UTY: variants seen among roughly 807,000 people sequenced by gnomAD.
UTY encodes the protein histone demethylase UTY.
UTY carries 12 observed loss-of-function variants against 32.5 expected under a neutral mutation model. The ratio of observed to expected loss-of-function variants is 0.37; its 90% confidence interval spans 0.24 to 0.60. The LOEUF is 0.60. Ranked by LOEUF, UTY falls within the 20% of genes least tolerant of loss-of-function variation. The pLI is 0.69. For synonymous variants in UTY, 131 were observed against 103.4 expected (o/e 1.27, Z -1.62); for missense variants, 303 against 299.2 (o/e 1.01, Z -0.09).
intron 27 of UTY, among the ~76,000 whole-genome samples, chrY:13,292,499 T>C: frequency 3.7e-5 from 1 of 26,897 alleles, no homozygotes; most frequent in Non-Finnish European, 8.9e-5. Context: ...GAAAAAGATA[T>C]TCAGAAATAT....
intron 27 of UTY, among the ~76,000 whole-genome samples, chrY:13,271,964 T>C (rs766716110): frequency 6.8e-4 from 23 of 33,805 alleles, no homozygotes; most frequent in African/African-American, 2.6e-3. Context: ...AATCAAGGAA[T>C]GTAGACAGTC....
At chrY:13,282,675 C>T in intron 27 of UTY, among the ~76,000 whole-genome samples, 1 of 33,709 alleles carries the variant, frequency 3.0e-5, no homozygotes, top group Non-Finnish European at 7.4e-5. Context: ...TGGGGGAGCT[C>T]AGATTTTAAG....
chrY:13,235,874 T>A (rs1603217740), intron 28 of UTY, among the ~76,000 whole-genome samples: 1 of 33,301 alleles, frequency 3.0e-5, no homozygotes, highest in East Asian at 7.8e-4. Context: ...CAAGGAAGCC[T>A]ACTGCCTCAA....
At chrY:13,349,919 A>T in intron 17 of UTY, among the ~76,000 whole-genome samples, 1 of 33,705 alleles carries the variant, frequency 3.0e-5, no homozygotes, top group Non-Finnish European at 7.4e-5. Context: ...TTTGAAACTG[A>T]ATCACCAAGG....
intron 21 of UTY, among the ~76,000 whole-genome samples, chrY:13,318,126 C>G: frequency 3.3e-5 from 1 of 30,085 alleles, no homozygotes; most frequent in Non-Finnish European, 7.8e-5. Context: ...TGCCATTGCA[C>G]TCCAGCCTGG....
At chrY:13,456,654 C>A (rs781766830) in intron 3 of UTY, among the ~76,000 whole-genome samples, 3 of 32,371 alleles carry the variant, frequency 9.3e-5, no homozygotes, top group South Asian at 6.8e-4. Flanking sequence ...CAATTATATA[C>A]CAACAAAAAA....
chrY:13,341,595 C>T (rs920596855), intron 17 of UTY, among the ~76,000 whole-genome samples: 8 of 32,935 alleles, frequency 2.4e-4, no homozygotes, highest in African/African-American at 9.6e-4. Context: ...AAGTCAGACA[C>T]GGATTTAATT....
intron 18 of UTY, among the ~76,000 whole-genome samples, chrY:13,330,620 T>A (rs2060615367): frequency 3.1e-5 from 1 of 32,029 alleles, no homozygotes; most frequent in African/African-American, 1.2e-4. Flanking sequence ...GTTGCAGGAG[T>A]TTTCTTTGCA....
chrY:13,247,472 G>A, downstream of UTY, among the ~76,000 whole-genome samples: 2 of 33,229 alleles, frequency 6.0e-5, no homozygotes, highest in Non-Finnish European at 1.5e-4. Context: ...GGTGGATCAT[G>A]AGGACAGGAG....
chrY:13,476,609 T>C (rs985967455), intron 2 of UTY, among the ~76,000 whole-genome samples: 13 of 33,948 alleles, frequency 3.8e-4, no homozygotes, highest in Non-Finnish European at 7.3e-4. Flanking sequence ...TAAAAGTTAC[T>C]ATTGCTAAAA....
chrY:13,402,848 A>G (rs2069290658), intron 6 of UTY, among the ~76,000 whole-genome samples: 1 of 33,962 alleles, frequency 2.9e-5, no homozygotes, highest in Admixed American at 2.7e-4. Context: ...TAATTTTAAA[A>G]TCAATTTTAA....
At chrY:13,250,956 A>G in intron 29 of UTY, 61 bp downstream of exon 29, 1 of 351,237 alleles carries the variant, frequency 2.8e-6, no homozygotes, top group Non-Finnish European at 4.1e-6. Context: ...TCAGTTAGCA[A>G]AGTCAAAGAC....
At chrY:13,412,639 T>A in intron 5 of UTY, among the ~76,000 whole-genome samples, 1 of 33,048 alleles carries the variant, frequency 3.0e-5, no homozygotes, top group Non-Finnish European at 7.4e-5. Context: ...ATGATGCACA[T>A]GTAAATCAAC....
intron 18 of UTY, among the ~76,000 whole-genome samples, chrY:13,335,265 T>C (rs2060969887): frequency 6.2e-5 from 2 of 32,246 alleles, no homozygotes; most frequent in Admixed American, 2.8e-4. Context: ...AGATTACAGG[T>C]TGATATGTGA....
intron 4 of UTY, among the ~76,000 whole-genome samples, chrY:13,432,086 A>C (rs2074096540): frequency 2.9e-5 from 1 of 34,041 alleles, no homozygotes; most frequent in Non-Finnish European, 7.3e-5. Flanking sequence ...GATTTCCACA[A>C]TGAAAACTAA....
intron 3 of UTY, among the ~76,000 whole-genome samples, chrY:13,468,788 T>C (rs2078171797): frequency 3.0e-5 from 1 of 33,779 alleles, no homozygotes; most frequent in South Asian, 6.4e-4. Context: ...AATCTGTTAC[T>C]ATAAACCATT....
intron 8 of UTY, among the ~76,000 whole-genome samples, chrY:13,380,029 ATGTGTGTG>A (rs1569486958): frequency 7.8e-4 from 4 of 5,141 alleles, no homozygotes; most frequent in African/African-American, 1.1e-3. Flanking sequence ...ATATATATAG[ATGTGTGTG>A]TGTGTGTGTG....
At chrY:13,464,874 C>G in intron 3 of UTY, among the ~76,000 whole-genome samples, 1 of 32,666 alleles carries the variant, frequency 3.1e-5, no homozygotes, top group Non-Finnish European at 7.5e-5. Flanking sequence ...GTCAGGAGAT[C>G]AAGACCATCC....
intron 9 of UTY, among the ~76,000 whole-genome samples, chrY:13,368,210 T>C: frequency 3.8e-5 from 1 of 26,216 alleles, no homozygotes; most frequent in Non-Finnish European, 8.8e-5. Context: ...GGACTACAGG[T>C]GCCCGCCACA....
Sources: gnomAD v4.1 joint callset for allele counts (sites outside exome capture counted in the v4.1 genomes callset) on GRCh38, gnomAD v4.1.1 for gene constraint, MANE v1.5 for transcripts, NCBI Gene and HGNC (gene_info 2026-07-23, HGNC 2026-07-21) for gene names.